DOCK5: variants seen among roughly 807,000 people sequenced by gnomAD.
The protein encoded by DOCK5 is dedicator of cytokinesis protein 5.
Under a neutral mutation model 251.8 loss-of-function variants are expected in DOCK5, and 142 were observed. The observed-to-expected ratio is 0.56, with a 90% CI of 0.49 to 0.65. The LOEUF is 0.65. DOCK5 is among the 30% of genes least tolerant of loss of function. DOCK5 has a pLI of 0.00. For missense variants in DOCK5, 2,111 were observed against 2,312.3 expected, an observed-to-expected ratio of 0.91 and a Z score of 1.79; for synonymous variants, 842 against 835.5, an observed-to-expected ratio of 1.01 and a Z score of -0.13.
intron 18 of DOCK5, among the ~76,000 whole-genome samples, chr8:25,330,623 A>G (rs911321112): frequency 1.3e-5 from 2 of 152,136 alleles, no homozygotes; most frequent in Non-Finnish European, 2.9e-5. Context: ...TCTATGTGGC[A>G]TTGGAAGTTT....
intron 18 of DOCK5, 52 bp from the exon 19 acceptor site, chr8:25,332,199 A>G (rs1805697998): frequency 1.4e-6 from 2 of 1,396,460 alleles, no homozygotes; most frequent in Non-Finnish European, 2.0e-6. Context: ...ATGTCCTGAA[A>G]TGGTCTGGGT....
rs1017919126 is a variant in DOCK5, at chr8:25,228,490, G to T, written c.44-15184G>T. On this transcript the variant is annotated intron_variant, in intron 1 of 51. Coordinates refer to ENST00000276440, the MANE Select transcript of DOCK5 (RefSeq NM_024940.8). ...TCCTTGTGGCTACCCCATAGGCAGTGTGCCCACAATGGCAGCTCTGGTTCT... is the reference window on the plus strand; with the variant it reads ...TCCTTGTGGCTACCCCATAGGCAGTTTGCCCACAATGGCAGCTCTGGTTCT... Among the ~76,000 whole-genome samples, 5 of 152,198 alleles carry T rather than the reference G, an allele frequency of 3.3e-5. No homozygotes were observed. The East Asian group carries it at 5.8e-4, about 18-fold the overall frequency.
intron 40 of DOCK5, among the ~76,000 whole-genome samples, chr8:25,383,232 G>A (rs1016402862): frequency 6.6e-6 from 1 of 152,166 alleles, no homozygotes; most frequent in Non-Finnish European, 1.5e-5. Flanking sequence ...TGTATAATGC[G>A]ATATTCAATT....
chr8:25,306,556 C>T (rs1457394746), intron 11 of DOCK5, among the ~76,000 whole-genome samples: 1 of 151,520 alleles, frequency 6.6e-6, no homozygotes, highest in Non-Finnish European at 1.5e-5. Flanking sequence ...TATCTGGGCA[C>T]AGTGGCGGGC....
At chr8:25,311,266 G>A (rs1054537860) in intron 13 of DOCK5, among the ~76,000 whole-genome samples, 2 of 152,070 alleles carry the variant, frequency 1.3e-5, no homozygotes, top group Non-Finnish European at 2.9e-5. Flanking sequence ...TGGCTTGGCC[G>A]AGCAGGGTGG....
intron 40 of DOCK5, among the ~76,000 whole-genome samples, chr8:25,384,463 A>ATTTT (rs201096966): frequency 5.2e-5 from 7 of 135,690 alleles, no homozygotes; most frequent in African/African-American, 1.8e-4. Context: ...TTATTTATTT[A>ATTTT]TTTTTTTTTT....
rs1277928155 is a variant in DOCK5, at chr8:25,334,187, T to C, written c.2183T>C (p.Leu728Ser). 1.2e-6 allele frequency: 2 copies of C among 1,612,888 alleles called. No homozygotes were observed. The highest frequency in any genetic ancestry group is 2.2e-5 in the South Asian group (2 of 91,072). ...TYIYKHFSATLAYVKLSKVLN... is the reference protein window; with the variant it reads ...TYIYKHFSATSAYVKLSKVLN... ...ATTTACAAGCACTTCAGCGCCACTT[T>C]GGCATATGTGTAAGTATGATCTGAA... Residue 728 changes from leucine (L) to serine (S), a missense_variant, in exon 21 of 52, where the codon TTG becomes TCG. By Grantham distance (145) the Leu-to-Ser change is moderately radical. Transcript: ENST00000276440.
At chr8:25,296,481 G>T in intron 6 of DOCK5, 32 bp from the exon 7 acceptor site, 1 of 1,594,196 alleles carries the variant, frequency 6.3e-7, no homozygotes, top group South Asian at 1.1e-5. Context: ...CCCCTGGTGA[G>T]GAGAACCAGC....
chr8:25,314,629 G>A (rs537448510), intron 13 of DOCK5, among the ~76,000 whole-genome samples: 8 of 109,438 alleles, frequency 7.3e-5, no homozygotes, highest in African/African-American at 2.8e-4. Context: ...CCATCCAACC[G>A]TCCACCTATC....
intron 2 of DOCK5, among the ~76,000 whole-genome samples, chr8:25,256,308 T>C (rs1159057811): frequency 6.6e-6 from 1 of 152,176 alleles, no homozygotes; most frequent in African/African-American, 2.4e-5. Flanking sequence ...ATTACTAACC[T>C]TGAATACTTG....
rs116365845 is a variant in DOCK5, at chr8:25,217,564, G to A, written c.44-26110G>A. Among the ~76,000 whole-genome samples, 610 of 152,296 alleles carry A rather than the reference G, an allele frequency of 4.0e-3. 4 individuals are homozygous for A. Among genetic ancestry groups the A allele is most frequent in the African/African-American group, 0.014 (588 of 41,566 alleles). On this transcript the variant is annotated intron_variant, in intron 1 of 51. Transcript: ENST00000276440. Reference sequence around the variant, plus strand: ...ATCAGGCAAATAGAGTTGTTCTAATGCCTTTAGTTCCAGTGGCACAGAAGT... The same window carrying A: ...ATCAGGCAAATAGAGTTGTTCTAATACCTTTAGTTCCAGTGGCACAGAAGT...
At chr8:25,328,188 T>G (rs1208436984) in intron 18 of DOCK5, among the ~76,000 whole-genome samples, 1 of 152,050 alleles carries the variant, frequency 6.6e-6, no homozygotes, top group Non-Finnish European at 1.5e-5. Flanking sequence ...TTTGTCATCC[T>G]TATTCCTGAT....
At chr8:25,384,733 T>TA (rs1301460175) in intron 40 of DOCK5, among the ~76,000 whole-genome samples, 1 of 151,964 alleles carries the variant, frequency 6.6e-6, no homozygotes, top group African/African-American at 2.4e-5. Flanking sequence ...GTTTTGGAAT[T>TA]ATAGGCATGA....
At chr8:25,272,890 A>G (rs1803946619) in intron 3 of DOCK5, among the ~76,000 whole-genome samples, 1 of 152,088 alleles carries the variant, frequency 6.6e-6, no homozygotes. Context: ...CAAGCCCCTC[A>G]GAACCCCCAT....
chr8:25,384,600 C>T (rs1801131765), intron 40 of DOCK5, among the ~76,000 whole-genome samples: 1 of 151,566 alleles, frequency 6.6e-6, no homozygotes, highest in Non-Finnish European at 1.5e-5. Context: ...GCAGGGATTA[C>T]AGGTGTGCAC....
chr8:25,281,289 G>A (rs1188749036), intron 5 of DOCK5, among the ~76,000 whole-genome samples: 1 of 151,908 alleles, frequency 6.6e-6, no homozygotes, highest in East Asian at 1.9e-4. Flanking sequence ...TTAGCTGGGT[G>A]TAGTGGCTTG....
intron 12 of DOCK5, among the ~76,000 whole-genome samples, chr8:25,310,063 A>G (rs1256939240): frequency 6.6e-6 from 1 of 152,088 alleles, no homozygotes; most frequent in African/African-American, 2.4e-5. Flanking sequence ...CATATATTAA[A>G]TTGCTATATA....
Position 25,412,696 on chromosome 8 carries a change from C to T in DOCK5, c.*1398C>T, listed in dbSNP as rs1278609502. The T allele has an allele frequency of 1.3e-5, 2 of 152,226 alleles. No individual in the cohort carries two copies. The highest frequency in any genetic ancestry group is 2.9e-5 in the Non-Finnish European group (2 of 68,042). 9.4% of individuals were successfully genotyped at this position (152,226 alleles called of 1,614,324 possible). ...ACTGGGGGAAACTTGCTGGTGGTCTCTCCCACAACCTTGCCCAGAGTCCTT... is the reference window on the plus strand; with the variant it reads ...ACTGGGGGAAACTTGCTGGTGGTCTTTCCCACAACCTTGCCCAGAGTCCTT... On this transcript the variant is annotated 3_prime_UTR_variant, in exon 52 of 52. Coordinates refer to ENST00000276440, the MANE Select transcript of DOCK5 (RefSeq NM_024940.8).
At chr8:25,189,345 C>A (rs1302831826) in intron 1 of DOCK5, among the ~76,000 whole-genome samples, 2 of 151,948 alleles carry the variant, frequency 1.3e-5, no homozygotes, top group African/African-American at 4.8e-5. Flanking sequence ...AGGGGTGAGC[C>A]ATGAGCCTGG....
Sources: allele counts gnomAD v4.1 joint callset (sites outside exome capture counted in the v4.1 genomes callset), GRCh38; gene constraint gnomAD v4.1.1; transcripts MANE v1.5; gene names NCBI Gene and HGNC (gene_info 2026-07-23, HGNC 2026-07-21).